The following DNM3 variants were observed in gnomAD, a reference collection of about 807,000 sequenced individuals.
The protein encoded by DNM3 is dynamin 3, also known as dynamin-3.
A neutral mutation model predicts 101.6 loss-of-function variants in DNM3; 47 were observed. That is an observed-to-expected ratio of 0.46 (90% CI 0.37 to 0.59). DNM3 has a LOEUF of 0.59. DNM3 is among the 20% of genes least tolerant of loss of function. DNM3 has a pLI of 0.00. For synonymous variants in DNM3, 385 were observed against 387.9 expected (o/e 0.99, Z 0.09); for missense variants, 849 against 1,085.7 (o/e 0.78, Z 3.06).
At chr1:172,008,798 A>ATATATAATATATAAATATTAATATGTAT (rs1491386288) in intron 4 of DNM3, among the ~76,000 whole-genome samples, 1 of 73,316 alleles carries the variant, frequency 1.4e-5, no homozygotes, top group Admixed American at 1.4e-4. Flanking sequence ...AATATATATA[A>ATATATAATATATAAATATTAATATGTAT]TATATAATAT....
Position 172,048,565 on chromosome 1 carries a change from T to C in DNM3, c.1197-47T>C, listed in dbSNP as rs1425479761. 3 of 1,560,192 alleles carry C rather than the reference T, an allele frequency of 1.9e-6. No individual in the cohort carries two copies. The African/African-American group carries it at 4.1e-5, about 22-fold the overall frequency. On this transcript the variant is annotated intron_variant, in intron 9 of 20. Coordinates refer to ENST00000627582, the MANE Select transcript of DNM3 (RefSeq NM_015569.5). ...CATTTTTCAAAAGATTTTTGAATAT[T>C]ACTCAATTAAAAAAATCTCATGGGC... is the stretch of plus-strand genomic sequence containing the variant.
At chr1:172,065,358 A>G (rs2051567389) in intron 10 of DNM3, among the ~76,000 whole-genome samples, 1 of 152,106 alleles carries the variant, frequency 6.6e-6, no homozygotes, top group South Asian at 2.1e-4. Flanking sequence ...GCTGTCATTG[A>G]ATAGCTTGGG....
chr1:172,204,341 T>A (rs1428076172), intron 14 of DNM3, among the ~76,000 whole-genome samples: 3 of 152,130 alleles, frequency 2.0e-5, no homozygotes, highest in Non-Finnish European at 4.4e-5. Context: ...AATATAAGAC[T>A]AAGAGGACTA....
intron 4 of DNM3, among the ~76,000 whole-genome samples, chr1:172,015,419 T>G (rs2047386410): frequency 6.6e-6 from 1 of 152,174 alleles, no homozygotes; most frequent in Admixed American, 6.5e-5. Flanking sequence ...AGCTCTTCAT[T>G]TATTTAGTTC....
intron 19 of DNM3, among the ~76,000 whole-genome samples, chr1:172,387,725 T>C (rs957294943): frequency 1.3e-4 from 20 of 149,094 alleles, no homozygotes; most frequent in African/African-American, 4.6e-4. Context: ...AATATCATTT[T>C]CTGAGAGTGC....
chr1:171,925,259 G>C (rs572550067), intron 2 of DNM3, among the ~76,000 whole-genome samples: 5 of 146,438 alleles, frequency 3.4e-5, no homozygotes, highest in African/African-American at 1.3e-4. Context: ...ACAGAGTCTT[G>C]CTCTGTCACC....
intron 4 of DNM3, among the ~76,000 whole-genome samples, chr1:171,994,366 A>AT (rs200548234): frequency 4.0e-5 from 6 of 150,542 alleles, no homozygotes; most frequent in African/African-American, 9.7e-5. Flanking sequence ...TTTGCTCAGC[A>AT]TTTTTTTTTA....
intron 10 of DNM3, among the ~76,000 whole-genome samples, chr1:172,050,168 C>T (rs2050106957): frequency 6.6e-6 from 1 of 152,152 alleles, no homozygotes; most frequent in Admixed American, 6.6e-5. Context: ...GCTAACACTC[C>T]TCATCCCTGC....
intron 17 of DNM3, among the ~76,000 whole-genome samples, chr1:172,350,928 G>GAC (rs1430400104): frequency 6.6e-6 from 1 of 152,118 alleles, no homozygotes; most frequent in East Asian, 1.9e-4. Context: ...GTCTCCCAGA[G>GAC]ACAAAAGTAC....
chr1:172,062,853 A>T (rs747566488), intron 10 of DNM3, among the ~76,000 whole-genome samples: 6 of 152,138 alleles, frequency 3.9e-5, no homozygotes, highest in Admixed American at 1.3e-4. Context: ...TGTTTAAAAA[A>T]TTTTTTTCAT....
chr1:171,901,510 G>T (rs2038356447), intron 1 of DNM3, among the ~76,000 whole-genome samples: 1 of 152,174 alleles, frequency 6.6e-6, no homozygotes, highest in Non-Finnish European at 1.5e-5. Flanking sequence ...AGCCGCGTGG[G>T]TGAGGGCAGG....
intron 15 of DNM3, among the ~76,000 whole-genome samples, chr1:172,258,570 C>T (rs78991393): frequency 0.021 from 3,161 of 152,068 alleles, 111 homozygotes; most frequent in African/African-American, 0.071. Flanking sequence ...TCATAATAAG[C>T]TCTGATGTTT....
At chr1:172,168,342 G>T (rs2058828644) in intron 14 of DNM3, among the ~76,000 whole-genome samples, 1 of 151,724 alleles carries the variant, frequency 6.6e-6, no homozygotes, top group Admixed American at 6.6e-5. Flanking sequence ...ATTTCTCCTT[G>T]TATGTGTTAA....
At chr1:172,136,217 G>A (rs924957580) in intron 14 of DNM3, among the ~76,000 whole-genome samples, 7 of 152,096 alleles carry the variant, frequency 4.6e-5, no homozygotes, top group Non-Finnish European at 1.0e-4. Flanking sequence ...CCCTTATAGG[G>A]ATATTTACTT....
At position 172,417,749 on chromosome 1, in the gene DNM3, TG is replaced by T. The variant is rs557783927; in HGVS notation, c.2541-531del. On this transcript the variant is annotated intron_variant, in intron 20 of 20. Coordinates refer to the DNM3 transcript ENST00000485254. ...GATCAACCTCTGGCATTCTCTGCAT[TG>T]TGATTACATTGCTCATTTGATCTCT... Among the ~76,000 whole-genome samples the T allele has an allele frequency of 3.2e-3, 493 of 152,306 alleles. 2 individuals are homozygous for T. The highest frequency in any genetic ancestry group is 0.011 in the African/African-American group (468 of 41,560).
rs934293546 is a variant in DNM3 at position 172,410,413 on chromosome 1, G to C, written c.*2572G>C. 2.0e-6 allele frequency: 2 copies of C among 984,900 alleles called. No homozygotes were observed. Among genetic ancestry groups the C allele is most frequent in the Non-Finnish European group, 2.4e-6 (2 of 829,540 alleles). The allele number at this position is 984,900 out of a possible 1,614,324, so 61.0% of individuals were successfully genotyped here. The stretch of plus-strand genomic sequence containing the variant: ...TGATATTGTAAACACAATAGATGTA[G>C]CTCTATCATGTCTAGCATAATTTAA... On this transcript the variant is annotated 3_prime_UTR_variant, in exon 21 of 21. Transcript: ENST00000627582.
intron 18 of DNM3, chr1:172,386,830 G>T: frequency 3.0e-6 from 1 of 330,846 alleles, no homozygotes; most frequent in Non-Finnish European, 5.8e-6. Flanking sequence ...AGACAATATT[G>T]TGAAATGCTC....
intron 2 of DNM3, among the ~76,000 whole-genome samples, chr1:171,923,323 T>C (rs1172065273): frequency 6.6e-6 from 1 of 152,222 alleles, no homozygotes; most frequent in Non-Finnish European, 1.5e-5. Context: ...TTTAGATAAA[T>C]GTGTATTCAT....
intron 13 of DNM3, among the ~76,000 whole-genome samples, chr1:172,117,523 T>G (rs2056002667): frequency 6.6e-6 from 1 of 152,178 alleles, no homozygotes; most frequent in African/African-American, 2.4e-5. Context: ...CCTCATTTTT[T>G]TCTCGCAGCC....
Sources: allele counts gnomAD v4.1 joint callset (sites outside exome capture counted in the v4.1 genomes callset), GRCh38; gene constraint gnomAD v4.1.1; transcripts MANE v1.5; gene names NCBI Gene and HGNC (gene_info 2026-07-23, HGNC 2026-07-21).